The following NOS2 variants were observed in gnomAD, a reference collection of about 807,000 sequenced individuals.
The protein encoded by NOS2 is nitric oxide synthase, inducible.
A neutral mutation model predicts 136.0 loss-of-function variants in NOS2; 96 were observed. The observed-to-expected ratio is 0.71, with a 90% confidence interval of 0.60 to 0.84. The LOEUF (loss-of-function observed/expected upper bound fraction) is 0.84, where lower values mean the gene tolerates loss of function less well. Ranked by LOEUF, NOS2 falls within the 40% of genes least tolerant of loss-of-function variation. The probability of loss-of-function intolerance (pLI) is 0.00; values close to 1 mark genes in which losing one functional copy is unlikely to be tolerated. For missense variants in NOS2, 1,237 were observed against 1,496.9 expected (o/e 0.83, Z 2.87); for synonymous variants, 539 against 587.5 (o/e 0.92, Z 1.20).
intron 5 of NOS2, among the ~76,000 whole-genome samples, 198 bp downstream of exon 5, chr17:27,787,480 T>G (rs958629864): frequency 1.3e-5 from 2 of 152,200 alleles, no homozygotes; most frequent in Non-Finnish European, 2.9e-5. Context: ...ATGTACAACG[T>G]TATCCCACAA....
chr17:27,789,740 A>G (rs1909135095), intron 2 of NOS2, 52 bp from the exon 3 acceptor site: 1 of 1,282,496 alleles, frequency 7.8e-7, no homozygotes, highest in Non-Finnish European at 1.1e-6. Context: ...GTGGAGGGGC[A>G]TCTTGGAGTT....
Position 27,788,829 on chromosome 17 carries a change from G to A in NOS2, c.298C>T (p.Leu100Phe). 1 of 1,614,160 alleles carries A rather than the reference G, an allele frequency of 6.2e-7. No individual in the cohort carries two copies. Among genetic ancestry groups the A allele is most frequent in the Non-Finnish European group, 8.5e-7 (1 of 1,180,010 alleles). ...CTTACCCCTTTGGCCTTATGGTGAA[G>A]TGTGTCTTGGAAAGTCATCCCGCTG... ...WGSGMTFQDT[L>F]HHKAKGILTC... Residue 100 changes from leucine (L) to phenylalanine (F), a missense_variant, in exon 4 of 27, where the codon CTT (leucine) becomes TTT (phenylalanine). Transcript: ENST00000313735.
At chr17:27,783,232 G>T (rs1908909658) in intron 5 of NOS2, 126 bp from the exon 6 acceptor site, 8 of 1,029,106 alleles carry the variant, frequency 7.8e-6, no homozygotes, top group African/African-American at 3.2e-5. Flanking sequence ...ACCAGAGACA[G>T]CTCCCTCCAG....
Position 27,778,673 on chromosome 17 carries a change from C to T in NOS2, c.1281+17G>A. The T allele has an allele frequency of 6.2e-7, 1 of 1,606,934 alleles. No homozygotes were observed. The highest frequency in any genetic ancestry group is 1.1e-5 in the South Asian group (1 of 90,926). ...TCTCACCAAAAAGTCTTCAGACTCACAAAACTCCAGACATACCTGGAAACT... is the reference window on the plus strand; with the variant it reads ...TCTCACCAAAAAGTCTTCAGACTCATAAAACTCCAGACATACCTGGAAACT... On this transcript the variant is annotated intron_variant, in intron 11 of 26. Transcript: ENST00000313735.
intron 4 of NOS2, among the ~76,000 whole-genome samples, chr17:27,788,196 GCACACA>G (rs59431357): frequency 3.3e-5 from 5 of 149,646 alleles, no homozygotes; most frequent in African/African-American, 7.4e-5. Context: ...GCACACGCGT[GCACACA>G]CACACACACA....
Position 27,756,937 on chromosome 17 carries a change from G to A in NOS2, c.*309C>T. ...AGTGGTGCGATAGCACCTCCTGGTG[G>A]TCACTTGAAGTGGTGCACTCAGCAG... On this transcript the variant is annotated 3_prime_UTR_variant, in exon 27 of 27. Transcript: ENST00000313735. 1 of 340,254 alleles carries A rather than the reference G, an allele frequency of 2.9e-6. No individual in the cohort carries two copies. The highest frequency in any genetic ancestry group is 2.1e-5 in the African/African-American group (1 of 47,432). 21.1% of individuals were successfully genotyped at this position (340,254 alleles called of 1,614,324 possible).
At position 27,765,659 on chromosome 17, in the gene NOS2, C is replaced by A. The variant is rs202058560; in HGVS notation, c.2304G>T (p.Leu768=). 1.3e-5 allele frequency: 21 copies of A among 1,613,356 alleles called. No homozygotes were observed. Among genetic ancestry groups the A allele is most frequent in the Admixed American group, 1.7e-5 (1 of 59,992 alleles). ...GGCAAACCCCAAGGTGCTCCCCCGG[C>A]AGGTAGTTCAGGCCTTGGCCATCCT... The part of the protein sequence containing the change: ...SCEDGQGLNY[L]PGEHLGVCPG... Residue 768 remains leucine, a synonymous_variant, in exon 20 of 27, where the codon CTG becomes CTT. Coordinates refer to ENST00000313735, the MANE Select transcript of NOS2 (RefSeq NM_000625.4).
chr17:27,773,791 G>A (rs1192466957), intron 12 of NOS2, among the ~76,000 whole-genome samples: 1 of 152,188 alleles, frequency 6.6e-6, no homozygotes, highest in East Asian at 1.9e-4. Context: ...ACTGGGCTGA[G>A]CTGTTCCATA....
At chr17:27,767,162 G>T (rs1382397060) in intron 18 of NOS2, among the ~76,000 whole-genome samples, 1 of 152,204 alleles carries the variant, frequency 6.6e-6, no homozygotes, top group African/African-American at 2.4e-5. Context: ...TGACATTGGG[G>T]ATATCTTAAA....
At position 27,769,093 on chromosome 17, in the gene NOS2, C is replaced by G. The variant is rs749282590; in HGVS notation, c.1918G>C (p.Asp640His). 1.2e-6 allele frequency: 2 copies of G among 1,612,930 alleles called. No homozygotes were observed. The highest frequency in any genetic ancestry group is 1.7e-6 in the Non-Finnish European group (2 of 1,179,818). Reference protein sequence around the residue: ...MYPRFCAFAHDIDQKLSHLGA... With the variant: ...MYPRFCAFAHHIDQKLSHLGA... Reference sequence around the variant, plus strand: ...AGGTGGGACAGCTTCTGATCAATGTCATGAGCAAAGGCGCAGAACCGAGGG... The same window carrying G: ...AGGTGGGACAGCTTCTGATCAATGTGATGAGCAAAGGCGCAGAACCGAGGG... Residue 640 changes from aspartate to histidine, a missense_variant, in exon 17 of 27, where the codon GAC (aspartate) becomes CAC (histidine). Asp to His is a moderately conservative substitution (Grantham distance 81). Transcript: ENST00000313735.
rs78717802 is a variant in NOS2 at position 27,788,549 on chromosome 17, G to A, written c.318+260C>T. On this transcript the variant is annotated intron_variant, in intron 4 of 26. Transcript: ENST00000313735. The stretch of plus-strand genomic sequence containing the variant: ...TCTCCCTGACATTATCCTGAAATCC[G>A]GCTAAGAAAGATATGAATTTGTTTC... 1.8e-4 allele frequency among the ~76,000 whole-genome samples: 28 copies of A among 152,264 alleles called. No homozygotes were observed. In the East Asian group the frequency reaches 4.4e-3, roughly 24 times the overall value.
intron 15 of NOS2, among the ~76,000 whole-genome samples, chr17:27,770,040 T>C (rs1448788672): frequency 1.3e-5 from 2 of 152,364 alleles, no homozygotes; most frequent in East Asian, 1.9e-4. Context: ...TCAAATCCCA[T>C]GGTGAGTATT....
rs371434103 is a variant in NOS2, at chr17:27,780,858, C to T, written c.913G>A (p.Val305Ile). 17 of 1,614,046 alleles carry T rather than the reference C, an allele frequency of 1.1e-5. No homozygotes were observed. The African/African-American group carries it at 2.1e-4, about 20-fold the overall frequency. The change falls in exon 9 of 27, where the codon GTC becomes ATC. Residue 305 changes from valine to isoleucine, a missense_variant. Val to Ile is a conservative substitution (Grantham distance 29, BLOSUM62 3). This residue lies in a region of NOS2 where 440 missense variants were observed against 545.4 expected (regional missense o/e 0.81). Coordinates refer to ENST00000313735, the MANE Select transcript of NOS2 (RefSeq NM_000625.4). The stretch of plus-strand genomic sequence containing the variant: ...CCATTGGCCTGCAGGACCAGGGGGA[C>T]CACATCGAAGCGGCCGTACTTGGGC... ...WKPKYGRFDV[V>I]PLVLQANGRD... is the part of the protein sequence containing the mutation.
intron 5 of NOS2, among the ~76,000 whole-genome samples, chr17:27,785,738 G>A (rs187692578): frequency 3.1e-4 from 47 of 151,140 alleles, no homozygotes; most frequent in East Asian, 1.8e-3. Flanking sequence ...CAGGAGGATC[G>A]CTTGAGCTCA....
chr17:27,781,050 C>T lies in NOS2; in HGVS notation c.850G>A (p.Val284Met), dbSNP rs769851469. Residue 284 changes from valine to methionine, a missense_variant, in exon 8 of 27, where the codon GTG (valine) becomes ATG (methionine). By Grantham distance (21) the Val-to-Met change is conservative (BLOSUM62 1). Around this residue, in one of 3 missense-constraint regions of NOS2, gnomAD observed 440 missense variants for 545.4 expected, o/e 0.81. Coordinates refer to ENST00000313735, the MANE Select transcript of NOS2 (RefSeq NM_000625.4). ...GGGCCGGGTACCTGAGTGAATTCCA[C>T]GTTGGCAGGGTCCCCTCTGATGCTG... ...DGSIRGDPAN[V>M]EFTQLCIDLG... is the part of the protein sequence containing the mutation. The T allele has an allele frequency of 1.5e-5, 25 of 1,613,424 alleles. No individual in the cohort carries two copies. The highest frequency in any genetic ancestry group is 5.5e-5 in the South Asian group (5 of 91,048).
chr17:27,772,702 T>C (rs1318328901), intron 13 of NOS2, among the ~76,000 whole-genome samples: 1 of 152,104 alleles, frequency 6.6e-6, no homozygotes, highest in African/African-American at 2.4e-5. Context: ...ACCCTTGGAA[T>C]TGGCGACTGG....
rs149591539 is a variant in NOS2, at chr17:27,773,180, G to T, written c.1540C>A (p.Pro514Thr). ...ACTCACTTGACCAAGACTTTCAATGGAATCTCTCTTCTCTTGGGTCTCCGC... is the reference window on the plus strand; with the variant it reads ...ACTCACTTGACCAAGACTTTCAATGTAATCTCTCTTCTCTTGGGTCTCCGC... ...EKRRPKRREI[P>T]LKVLVKAVLF... The change falls in exon 13 of 27, where the codon CCA becomes ACA. Residue 514 changes from proline to threonine, a missense_variant. By Grantham distance (38) the Pro-to-Thr change is conservative. Coordinates refer to ENST00000313735, the MANE Select transcript of NOS2 (RefSeq NM_000625.4). 38 of 1,613,828 alleles carry T rather than the reference G, an allele frequency of 2.4e-5. No individual in the cohort carries two copies. In the African/African-American group the frequency reaches 4.1e-4, roughly 18 times the overall value.
chr17:27,758,434 TTCA>T (rs1449484857), intron 26 of NOS2, among the ~76,000 whole-genome samples: 1 of 152,160 alleles, frequency 6.6e-6, no homozygotes, highest in African/African-American at 2.4e-5. Flanking sequence ...CACTATTATC[TTCA>T]TCAATAAAAT....
Position 27,783,121 on chromosome 17 carries a change from G to A in NOS2, c.468-15C>T, listed in dbSNP as rs766614116. ...CTATTTTTGCCCTGGGGGACAGGAA[G>A]ACAGCAGGAAGATCAACAATGAGAT... is the stretch of plus-strand genomic sequence containing the variant. On this transcript the variant is annotated splice_polypyrimidine_tract_variant and intron_variant, in intron 5 of 26. Coordinates refer to ENST00000313735, the MANE Select transcript of NOS2 (RefSeq NM_000625.4). 1.9e-6 allele frequency: 3 copies of A among 1,613,854 alleles called. No homozygotes were observed. The highest frequency in any genetic ancestry group is 2.5e-6 in the Non-Finnish European group (3 of 1,179,794).
Sources: allele counts gnomAD v4.1 joint callset (sites outside exome capture counted in the v4.1 genomes callset), GRCh38; gene constraint gnomAD v4.1.1; regional missense constraint gnomAD v4.1.1; transcripts MANE v1.5; gene names NCBI Gene and HGNC (gene_info 2026-07-23, HGNC 2026-07-21).